LIN52: variants seen among roughly 807,000 people sequenced by gnomAD.
LIN52 encodes lin-52 DREAM MuvB core complex component.
LIN52 carries 4 observed loss-of-function variants against 18.5 expected under a neutral mutation model. The ratio of observed to expected loss-of-function variants is 0.22; its 90% CI spans 0.11 to 0.49. The LOEUF is 0.49. Ranked by LOEUF, LIN52 falls within the 20% of genes least tolerant of loss-of-function variation. The pLI is 0.97. For synonymous variants in LIN52, 34 were observed against 45.5 expected (o/e 0.75, Z 1.02); for missense variants, 102 against 139.5 (o/e 0.73, Z 1.35).
intron 2 of LIN52, 84 bp from the exon 3 acceptor site, chr14:74,095,864 C>A (rs2060808180): frequency 3.6e-6 from 3 of 823,586 alleles, no homozygotes; most frequent in African/African-American, 1.7e-5. Context: ...AGAAAACAGA[C>A]AAAGCTGTTT....
intron 5 of LIN52, among the ~76,000 whole-genome samples, chr14:74,119,572 A>G (rs953932766): frequency 2.0e-5 from 3 of 152,204 alleles, no homozygotes; most frequent in South Asian, 2.1e-4. Context: ...ATAGTTTTCC[A>G]AAGTGGTTAT....
intron 5 of LIN52, among the ~76,000 whole-genome samples, chr14:74,138,724 CT>C (rs1386485683): frequency 1.3e-5 from 2 of 149,490 alleles, no homozygotes; most frequent in African/African-American, 4.9e-5. Context: ...ACCCCACCCC[CT>C]ATCCTCTGCA....
intron 5 of LIN52, among the ~76,000 whole-genome samples, chr14:74,133,157 C>A (rs2061078092): frequency 6.6e-6 from 1 of 152,128 alleles, no homozygotes. Context: ...TTGATTTGGT[C>A]CAGTTATGTA....
chr14:74,108,898 CT>C (rs1369482379), intron 5 of LIN52, among the ~76,000 whole-genome samples: 10 of 152,196 alleles, frequency 6.6e-5, no homozygotes, highest in Non-Finnish European at 1.2e-4. Context: ...AATCACAAAG[CT>C]TTAAATTTTG....
rs1011680454 is a variant in LIN52, at chr14:74,201,412, G to A, written c.*2435G>A. ...CTGCCTTCCATTCTATCCTACCACT[G>A]CCCAACACCCGAAAGTAGTATTTAG... is the stretch of plus-strand genomic sequence containing the variant. On this transcript the variant is annotated 3_prime_UTR_variant, in exon 6 of 6. Transcript: ENST00000555028. Among the ~76,000 whole-genome samples the A allele has an allele frequency of 5.3e-5, 8 of 151,986 alleles. No individual in the cohort carries two copies. The highest frequency in any genetic ancestry group is 1.9e-4 in the African/African-American group (8 of 41,364).
chr14:74,147,638 C>T (rs1018888554), intron 5 of LIN52, among the ~76,000 whole-genome samples: 3 of 152,152 alleles, frequency 2.0e-5, no homozygotes, highest in Admixed American at 2.0e-4. Flanking sequence ...GTAGTAGATA[C>T]ATGCAATGGA....
intron 5 of LIN52, among the ~76,000 whole-genome samples, chr14:74,150,751 T>G (rs2061173530): frequency 6.6e-6 from 1 of 152,184 alleles, no homozygotes; most frequent in South Asian, 2.1e-4. Context: ...AGTCTGACCT[T>G]AAATTGAAGT....
intron 5 of LIN52, among the ~76,000 whole-genome samples, chr14:74,129,732 C>T (rs964139743): frequency 5.9e-5 from 9 of 152,148 alleles, no homozygotes; most frequent in Non-Finnish European, 1.3e-4. Context: ...CCTGTAGTCA[C>T]AGCTACTTGG....
In LIN52 at chr14:74,134,967, T is replaced by G. The variant is rs906575979; in HGVS notation, c.283+33729T>G. On this transcript the variant is annotated intron_variant, in intron 5 of 5. Coordinates refer to ENST00000555028, the MANE Select transcript of LIN52 (RefSeq NM_001024674.3). ...TAAGTAGATGGAAAAGCAAACACAT[T>G]GTTTTCTTCTAGTACATTTCATACT... 2.0e-5 allele frequency among the ~76,000 whole-genome samples: 3 copies of G among 152,318 alleles called. No homozygotes were observed. The South Asian group carries it at 6.2e-4, about 32-fold the overall frequency.
At chr14:74,198,365 A>G (rs1158041581) in intron 5 of LIN52, among the ~76,000 whole-genome samples, 1 of 152,228 alleles carries the variant, frequency 6.6e-6, no homozygotes, top group Non-Finnish European at 1.5e-5. Context: ...GCCAAGGGAG[A>G]GAAGACCAAA....
intron 5 of LIN52, among the ~76,000 whole-genome samples, chr14:74,119,163 T>TC (rs1286051820): frequency 1.8e-3 from 266 of 144,454 alleles, no homozygotes; most frequent in Middle Eastern, 0.01. Flanking sequence ...TTTCTTTCTT[T>TC]TTTTTTTTTT....
chr14:74,088,827 T>G (rs1472382509), intron 1 of LIN52, among the ~76,000 whole-genome samples: 1 of 152,208 alleles, frequency 6.6e-6, no homozygotes, highest in Non-Finnish European at 1.5e-5. Context: ...TGCAACTGGT[T>G]AGCATACTGA....
chr14:74,111,924 A>C (rs2060931674), intron 5 of LIN52, among the ~76,000 whole-genome samples: 1 of 151,456 alleles, frequency 6.6e-6, no homozygotes, highest in Non-Finnish European at 1.5e-5. Context: ...CTTGTCGCCC[A>C]GGCTGGAGTG....
chr14:74,171,736 C>CTTTTTTTTT (rs534860812), intron 5 of LIN52, among the ~76,000 whole-genome samples: 5 of 122,698 alleles, frequency 4.1e-5, no homozygotes, highest in Non-Finnish European at 6.5e-5. Context: ...TATTTTAATT[C>CTTTTTTTTT]TTTTTTTTTT....
intron 5 of LIN52, among the ~76,000 whole-genome samples, chr14:74,141,641 G>C (rs993717414): frequency 7.9e-5 from 12 of 152,190 alleles, no homozygotes; most frequent in African/African-American, 1.4e-4. Flanking sequence ...AAGCTTTTAG[G>C]GGGGAGGTAG....
chr14:74,098,709 A>G (rs577760250), intron 4 of LIN52, among the ~76,000 whole-genome samples: 101 of 151,984 alleles, frequency 6.6e-4, no homozygotes, highest in Non-Finnish European at 9.4e-4. Flanking sequence ...CACCACGTCC[A>G]GCTAATTTTT....
At chr14:74,159,919 C>A (rs1368522807) in intron 5 of LIN52, among the ~76,000 whole-genome samples, 1 of 152,122 alleles carries the variant, frequency 6.6e-6, no homozygotes, top group South Asian at 2.1e-4. Context: ...ATACAGCAAG[C>A]GTTCTCAACT....
chr14:74,157,676 C>G (rs1483477372), intron 5 of LIN52, among the ~76,000 whole-genome samples: 1 of 151,764 alleles, frequency 6.6e-6, no homozygotes, highest in African/African-American at 2.4e-5. Flanking sequence ...TCTGTGCTGC[C>G]CAGGCTGGGA....
At chr14:74,105,937 C>G (rs995841111) in intron 5 of LIN52, among the ~76,000 whole-genome samples, 1 of 152,106 alleles carries the variant, frequency 6.6e-6, no homozygotes, top group Non-Finnish European at 1.5e-5. Context: ...GAGTGCTACC[C>G]TTTGAATTGG....
Sources: allele counts gnomAD v4.1 joint callset (sites outside exome capture counted in the v4.1 genomes callset), GRCh38; gene constraint gnomAD v4.1.1; transcripts MANE v1.5; gene names NCBI Gene and HGNC (gene_info 2026-07-23, HGNC 2026-07-21).